PADI4: variants seen among roughly 807,000 people sequenced by gnomAD.
PADI4 encodes the protein protein-arginine deiminase type-4.
Under a neutral mutation model 75.0 loss-of-function variants are expected in PADI4, and 62 were observed. The ratio of observed to expected loss-of-function variants is 0.83; its 90% confidence interval spans 0.67 to 1.02. The LOEUF (loss-of-function observed/expected upper bound fraction) is 1.02. Ranked by LOEUF, PADI4 falls within the 50% of genes least tolerant of loss-of-function variation. The probability of loss-of-function intolerance (pLI) is 0.00; values close to 1 mark genes in which losing one functional copy is unlikely to be tolerated. For missense variants in PADI4, 845 were observed against 850.5 expected, an observed-to-expected ratio of 0.99 and a Z score of 0.08; for synonymous variants, 361 against 348.1, an observed-to-expected ratio of 1.04 and a Z score of -0.41.
chr1:17,344,142 G>A (rs1635572), intron 8 of PADI4, among the ~76,000 whole-genome samples: 96,062 of 152,020 alleles, frequency 0.63, 30,559 homozygotes, highest in Non-Finnish European at 0.67. Flanking sequence ...GTTGGGAACC[G>A]GAGCAAAGGT....
intron 10 of PADI4, among the ~76,000 whole-genome samples, chr1:17,349,526 G>A (rs1276515148): frequency 3.9e-5 from 6 of 151,914 alleles, no homozygotes; most frequent in South Asian, 2.1e-4. Flanking sequence ...CCAGCATGGC[G>A]AAATCCCGTC....
chr1:17,315,437 A>C lies in PADI4; in HGVS notation c.92+7123A>C, dbSNP rs11581515. ...TGTGGGACGTACTTGGCACTCAGCTATCATGAAATCTTTTTGCAACAAGAG... is the reference window on the plus strand; with the variant it reads ...TGTGGGACGTACTTGGCACTCAGCTCTCATGAAATCTTTTTGCAACAAGAG... On this transcript the variant is annotated intron_variant, in intron 1 of 15. Coordinates refer to ENST00000375448, the MANE Select transcript of PADI4 (RefSeq NM_012387.3). 4.6e-3 allele frequency among the ~76,000 whole-genome samples: 697 copies of C among 152,298 alleles called. 6 individuals are homozygous for C. Among genetic ancestry groups the C allele is most frequent in the African/African-American group, 0.016 (657 of 41,568 alleles).
intron 4 of PADI4, 102 bp downstream of exon 4, chr1:17,336,328 G>A: frequency 1.4e-6 from 1 of 738,050 alleles, no homozygotes; most frequent in Non-Finnish European, 2.4e-6. Flanking sequence ...CGTATTCCGT[G>A]TTAACTGTTA....
At chr1:17,341,680 T>C (rs1331888110) in intron 6 of PADI4, among the ~76,000 whole-genome samples, 21 of 152,196 alleles carry the variant, frequency 1.4e-4, no homozygotes, top group Admixed American at 8.5e-4. Flanking sequence ...AGTGAAGGAA[T>C]GGTGTATACT....
At chr1:17,348,898 C>T (rs35095098) in intron 10 of PADI4, 2,588 of 152,292 alleles carry the variant, frequency 0.017, 37 homozygotes, top group Non-Finnish European at 0.025. Context: ...GGGAAAACGA[C>T]GGAAGGAGTG....
At chr1:17,340,945 C>T (rs1272664031) in intron 6 of PADI4, among the ~76,000 whole-genome samples, 2 of 151,246 alleles carry the variant, frequency 1.3e-5, no homozygotes, top group Non-Finnish European at 2.9e-5. Context: ...AGGTTACAAG[C>T]ATGTGCCACC....
At chr1:17,333,230 T>C (rs1026252985) in intron 2 of PADI4, among the ~76,000 whole-genome samples, 7 of 152,090 alleles carry the variant, frequency 4.6e-5, no homozygotes, top group African/African-American at 1.7e-4. Flanking sequence ...GCAGAGGCAG[T>C]GATGGCCGTG....
Position 17,310,550 on chromosome 1 carries a change from G to A in PADI4, c.92+2236G>A, listed in dbSNP as rs114799725. 8.3e-3 allele frequency among the ~76,000 whole-genome samples: 1,267 copies of A among 152,210 alleles called. 18 individuals carry two copies. Among genetic ancestry groups the A allele is most frequent in the African/African-American group, 0.028 (1,154 of 41,524 alleles). On this transcript the variant is annotated intron_variant, in intron 1 of 15. Coordinates refer to ENST00000375448, the MANE Select transcript of PADI4 (RefSeq NM_012387.3). Reference sequence around the variant, plus strand: ...TCTCTGTCCCCAAAGTCAGGAACCCGGGAGGCAGAGGTTGCAGTGAGCCAA... The same window carrying A: ...TCTCTGTCCCCAAAGTCAGGAACCCAGGAGGCAGAGGTTGCAGTGAGCCAA...
At chr1:17,327,333 T>C (rs555123559) in intron 1 of PADI4, among the ~76,000 whole-genome samples, 43 of 152,326 alleles carry the variant, frequency 2.8e-4, no homozygotes, top group African/African-American at 7.2e-4. Flanking sequence ...TAATAATTCA[T>C]TCTTTTGATA....
At chr1:17,312,225 C>G (rs1261897057) in intron 1 of PADI4, among the ~76,000 whole-genome samples, 2 of 151,670 alleles carry the variant, frequency 1.3e-5, no homozygotes, top group Non-Finnish European at 2.9e-5. Flanking sequence ...TTTAGGAGAC[C>G]AAGGAGGGTG....
At chr1:17,317,759 G>T (rs1040640948) in intron 1 of PADI4, among the ~76,000 whole-genome samples, 1 of 151,614 alleles carries the variant, frequency 6.6e-6, no homozygotes, top group East Asian at 2.0e-4. Flanking sequence ...TGTGGCTTGC[G>T]CCTGTAATCC....
In PADI4 at chr1:17,346,115, G is replaced by A. The variant is rs2074510542; in HGVS notation, c.1023G>A (p.Glu341=). Residue 341 remains glutamate, a synonymous_variant, in exon 9 of 16, where the codon GAG becomes GAA. Coordinates refer to ENST00000375448, the MANE Select transcript of PADI4 (RefSeq NM_012387.3). The surrounding 1 kb of genome is among the most constrained non-coding windows in gnomAD (Gnocchi z 4.3). Reference sequence around the variant, plus strand: ...AGCTGACCATCTGCCCTGAGGAGGAGAACATGGATGACCAGTGGATGCAGG... The same window carrying A: ...AGCTGACCATCTGCCCTGAGGAGGAAAACATGGATGACCAGTGGATGCAGG... ...KCKLTICPEE[E]NMDDQWMQDE... The A allele has an allele frequency of 6.2e-7, 1 of 1,612,726 alleles. No homozygotes were observed. The highest frequency in any genetic ancestry group is 8.5e-7 in the Non-Finnish European group (1 of 1,178,682).
intron 10 of PADI4, among the ~76,000 whole-genome samples, chr1:17,352,272 G>A (rs1420502038): frequency 1.3e-5 from 2 of 151,744 alleles, no homozygotes; most frequent in African/African-American, 2.4e-5. Flanking sequence ...GGTGATGGGA[G>A]GAGATGGGGG....
At chr1:17,337,205 G>A (rs955002840) in intron 4 of PADI4, among the ~76,000 whole-genome samples, 2 of 152,114 alleles carry the variant, frequency 1.3e-5, no homozygotes, top group African/African-American at 4.8e-5. Flanking sequence ...CCAGGCTGGA[G>A]TGCAGGGGCG....
At chr1:17,340,846 G>T (rs983503752) in intron 6 of PADI4, among the ~76,000 whole-genome samples, 1 of 148,172 alleles carries the variant, frequency 6.7e-6, no homozygotes, top group African/African-American at 2.5e-5. Flanking sequence ...TGTTGCCCCG[G>T]CTGGAGTGCA....
At chr1:17,335,283 G>A (rs1332232605) in intron 3 of PADI4, among the ~76,000 whole-genome samples, 20 of 152,116 alleles carry the variant, frequency 1.3e-4, no homozygotes, top group Admixed American at 1.3e-3. Context: ...CAGGCACTGT[G>A]CTAAGACTTT....
intron 1 of PADI4, among the ~76,000 whole-genome samples, chr1:17,320,769 C>T (rs919449141): frequency 1.3e-5 from 2 of 152,302 alleles, no homozygotes; most frequent in Admixed American, 1.3e-4. Context: ...TCTTTATGAC[C>T]TGTGTCTTGT....
chr1:17,351,814 A>G (rs186753460), intron 10 of PADI4, among the ~76,000 whole-genome samples: 256 of 149,854 alleles, frequency 1.7e-3, no homozygotes, highest in Middle Eastern at 3.4e-3. Flanking sequence ...GTGTTCCAGA[A>G]CAGCAAGAGG....
chr1:17,352,209 T>TAG (rs1557577581), intron 10 of PADI4, among the ~76,000 whole-genome samples: 193 of 103,906 alleles, frequency 1.9e-3, no homozygotes, highest in African/African-American at 6.6e-3. Context: ...TGGGAGGTGG[T>TAG]AAGAGGGGTG....
Sources: gnomAD v4.1 joint callset for allele counts (sites outside exome capture counted in the v4.1 genomes callset) on GRCh38, gnomAD v4.1.1 for gene constraint, Gnocchi (gnomAD v3.1) non-coding constraint, MANE v1.5 for transcripts, NCBI Gene and HGNC (gene_info 2026-07-23, HGNC 2026-07-21) for gene names.